The following ATP10B variants were observed in gnomAD, a reference collection of about 807,000 sequenced individuals.
ATP10B encodes ATPase phospholipid transporting 10B (putative).
In ATP10B, 122 loss-of-function variants were observed where a neutral mutation model predicts 141.2. The ratio of observed to expected loss-of-function variants is 0.86; its 90% CI spans 0.75 to 1.00. ATP10B has a LOEUF of 1.00. Ranked by LOEUF, ATP10B falls within the 50% of genes least tolerant of loss-of-function variation. The pLI is 0.00. For missense variants in ATP10B, 1,876 were observed against 1,825.3 expected (o/e 1.03, Z -0.51); for synonymous variants, 685 against 692.0 (o/e 0.99, Z 0.16).
At chr5:160,645,603 C>A (rs1311905570) in intron 8 of ATP10B, among the ~76,000 whole-genome samples, 3 of 152,216 alleles carry the variant, frequency 2.0e-5, no homozygotes, top group Non-Finnish European at 4.4e-5. Context: ...CCACCTCACA[C>A]TAGAAACTTC....
chr5:160,578,476 T>C (rs1025922098), intron 24 of ATP10B, among the ~76,000 whole-genome samples: 2 of 152,214 alleles, frequency 1.3e-5, no homozygotes, highest in Non-Finnish European at 1.5e-5. Flanking sequence ...TTCCTGAGAA[T>C]GATGGTTTCC....
chr5:160,836,100 G>A (rs919781860), intron 1 of ATP10B, among the ~76,000 whole-genome samples: 1 of 152,082 alleles, frequency 6.6e-6, no homozygotes, highest in Non-Finnish European at 1.5e-5. Flanking sequence ...TCAAAAGAAT[G>A]AGGAGGGGAG....
At chr5:160,685,994 G>T in intron 6 of ATP10B, 85 bp downstream of exon 6, 2 of 1,052,522 alleles carry the variant, frequency 1.9e-6, no homozygotes, top group South Asian at 5.7e-5. Flanking sequence ...AAATAAAATC[G>T]AAGAAAAGAG....
intron 25 of ATP10B, 131 bp downstream of exon 25, chr5:160,569,365 C>A: frequency 1.1e-6 from 1 of 877,744 alleles, no homozygotes; most frequent in African/African-American, 1.7e-5. Flanking sequence ...TCTGTCCCAT[C>A]TCTCTGTTTC....
chr5:160,690,573 G>A (rs1029714640), intron 3 of ATP10B, among the ~76,000 whole-genome samples: 8 of 152,096 alleles, frequency 5.3e-5, no homozygotes, highest in Non-Finnish European at 7.4e-5. Flanking sequence ...CTCAAAAGAC[G>A]ACATTTATGT....
chr5:160,877,166 T>C, the ATP10B span, among the ~76,000 whole-genome samples: 662 of 151,846 alleles, frequency 4.4e-3, 7 homozygotes, highest in African/African-American at 0.015. Flanking sequence ...TCCAGCTGCA[T>C]ATCAAAAAGC....
chr5:160,643,824 T>C (rs1163337932), intron 9 of ATP10B, among the ~76,000 whole-genome samples: 1 of 152,208 alleles, frequency 6.6e-6, no homozygotes, highest in Non-Finnish European at 1.5e-5. Flanking sequence ...GGTGAGGTTA[T>C]TCCACAGGCT....
At chr5:160,694,527 C>G (rs1204519900) in intron 3 of ATP10B, among the ~76,000 whole-genome samples, 1 of 152,184 alleles carries the variant, frequency 6.6e-6, no homozygotes, top group Admixed American at 6.5e-5. Flanking sequence ...GACCTTTAGC[C>G]TAACAAGCTG....
chr5:160,585,981 T>A (rs1561627449), intron 24 of ATP10B, among the ~76,000 whole-genome samples: 1 of 149,520 alleles, frequency 6.7e-6, no homozygotes, highest in East Asian at 1.9e-4. Context: ...TTTATTTTAC[T>A]TTAAGTTCCG....
At chr5:160,585,889 T>C (rs1009793955) in intron 24 of ATP10B, among the ~76,000 whole-genome samples, 1 of 152,236 alleles carries the variant, frequency 6.6e-6, no homozygotes, top group Non-Finnish European at 1.5e-5. Flanking sequence ...ATTTGTCCTG[T>C]ACTTAAGCCT....
rs547099325 is a variant in ATP10B, at chr5:160,632,444, G to T, written c.1382-77C>A. ...GTTGGGGAAAACCTAGACTTTGTGT[G>T]GGGGGTGGTAAGAGCATGGGAAGGG... On this transcript the variant is annotated intron_variant, in intron 12 of 25. Transcript: ENST00000327245. 9 of 1,391,790 alleles carry T rather than the reference G, an allele frequency of 6.5e-6. No individual in the cohort carries two copies. The African/African-American group carries it at 7.1e-5, about 11-fold the overall frequency. The allele number at this position is 1,391,790 out of a possible 1,614,324, so 86.2% of individuals were successfully genotyped here. A position where few individuals can be genotyped will look rare whatever the true frequency, so the allele number is the denominator to read the frequency against.
chr5:160,824,031 C>CT lies in ATP10B; in HGVS notation c.-576+27909dup, dbSNP rs112382749. ...GACATAACCATGTTTACACATTTTT[C>CT]TTTTTTTTGAGACGGAGTCTGGCTC... On this transcript the variant is annotated intron_variant, in intron 1 of 25. Coordinates refer to ENST00000327245, the MANE Select transcript of ATP10B (RefSeq NM_025153.3). Among the ~76,000 whole-genome samples, 612 of 151,602 alleles carry CT rather than the reference C, an allele frequency of 4.0e-3. 1 individual carries two copies. Among genetic ancestry groups the CT allele is most frequent in the African/African-American group, 0.014 (572 of 41,338 alleles).
chr5:160,755,837 A>T (rs1397255498), intron 2 of ATP10B, among the ~76,000 whole-genome samples: 1 of 44,600 alleles, frequency 2.2e-5, no homozygotes, highest in Non-Finnish European at 3.7e-5. Flanking sequence ...AAAAAAAAAA[A>T]AATATATATA....
intron 7 of ATP10B, among the ~76,000 whole-genome samples, chr5:160,652,219 C>T (rs1248477278): frequency 6.6e-6 from 1 of 152,010 alleles, no homozygotes; most frequent in East Asian, 1.9e-4. Flanking sequence ...GAAAAGGTGA[C>T]CCTGCTCTTT....
chr5:160,595,820 C>A (rs1179591276), intron 22 of ATP10B, among the ~76,000 whole-genome samples: 2 of 150,914 alleles, frequency 1.3e-5, no homozygotes, highest in Non-Finnish European at 3.0e-5. Context: ...TCGACACATA[C>A]ACCCTCCCAA....
At position 160,820,097 on chromosome 5, in the gene ATP10B, T is replaced by G. The variant is rs545985407; in HGVS notation, c.-576+31844A>C. On this transcript the variant is annotated intron_variant, in intron 1 of 25. Transcript: ENST00000327245. ...AAATCAACAAAACAAAAAGTTGATTTTTTTTGTAAAAATAAACAACATTGA... is the reference window on the plus strand; with the variant it reads ...AAATCAACAAAACAAAAAGTTGATTGTTTTTGTAAAAATAAACAACATTGA... 7.0e-3 allele frequency among the ~76,000 whole-genome samples: 1,057 copies of G among 151,958 alleles called. 18 individuals are homozygous for G. Among genetic ancestry groups the G allele is most frequent in the African/African-American group, 0.024 (996 of 41,488 alleles).
At chr5:160,589,535 G>T in intron 24 of ATP10B, 57 bp downstream of exon 24, 1 of 1,315,310 alleles carries the variant, frequency 7.6e-7, no homozygotes, top group Non-Finnish European at 1.1e-6. Context: ...AGAAATTTGA[G>T]TATAGTCAAT....
chr5:160,867,369 C>G, the ATP10B span, among the ~76,000 whole-genome samples: 1 of 152,014 alleles, frequency 6.6e-6, no homozygotes, highest in East Asian at 1.9e-4. Context: ...AGCTATAGCA[C>G]TGGTCTTGTT....
At chr5:160,743,379 C>T (rs577790797) in intron 2 of ATP10B, among the ~76,000 whole-genome samples, 55 of 152,148 alleles carry the variant, frequency 3.6e-4, no homozygotes, top group Non-Finnish European at 6.6e-4. Flanking sequence ...ATAAATCATG[C>T]CTCTTGAGAA....
Sources: allele counts gnomAD v4.1 joint callset (sites outside exome capture counted in the v4.1 genomes callset), GRCh38; gene constraint gnomAD v4.1.1; transcripts MANE v1.5; gene names NCBI Gene and HGNC (gene_info 2026-07-23, HGNC 2026-07-21).